Variants in TBC1D1 observed in about 807,000 individuals in gnomAD.
TBC1D1 encodes TBC1 domain family member 1.
A neutral mutation model predicts 125.6 loss-of-function variants in TBC1D1; 89 were observed. The ratio of observed to expected loss-of-function variants is 0.71; its 90% CI spans 0.60 to 0.85. The LOEUF (loss-of-function observed/expected upper bound fraction) is 0.85. Ranked by LOEUF, TBC1D1 falls within the 40% of genes least tolerant of loss-of-function variation. TBC1D1 has a pLI of 0.00. For synonymous variants in TBC1D1, 565 were observed against 564.1 expected (o/e 1.00, Z -0.02); for missense variants, 1,377 against 1,469.2 (o/e 0.94, Z 1.03).
chr4:37,976,189 C>T (rs932721304), intron 2 of TBC1D1, among the ~76,000 whole-genome samples: 58 of 152,330 alleles, frequency 3.8e-4, no homozygotes, highest in African/African-American at 1.3e-3. Flanking sequence ...CAGCAAGAAA[C>T]AGAGGCCCTG....
chr4:37,921,046 G>A (rs543152468), intron 2 of TBC1D1, among the ~76,000 whole-genome samples: 72 of 146,590 alleles, frequency 4.9e-4, no homozygotes, highest in African/African-American at 1.7e-3. Context: ...GGAGGCGAAG[G>A]TTGCAGCGAG....
chr4:38,040,277 TTTTCTTTC>T (rs1216546638), intron 8 of TBC1D1, among the ~76,000 whole-genome samples: 1 of 151,994 alleles, frequency 6.6e-6, no homozygotes. Context: ...TTAGCTAATA[TTTTCTTTC>T]TTTCTTTCTT....
rs185076118 is a variant in TBC1D1, at chr4:37,995,551, C to T, written c.418-18958C>T. 2.8e-5 allele frequency: 11 copies of T among 394,622 alleles called. No individual in the cohort carries two copies. Among genetic ancestry groups the T allele is most frequent in the Middle Eastern group, 9.2e-4 (1 of 1,088 alleles). The allele number at this position is 394,622 out of a possible 1,614,324, so 24.4% of individuals were successfully genotyped here. A position where few individuals can be genotyped will look rare whatever the true frequency, so the allele number is the denominator to read the frequency against. On this transcript the variant is annotated intron_variant, in intron 2 of 19. Transcript: ENST00000261439. This position sits in a 1 kb window ranked among gnomAD's most constrained non-coding sequence, Gnocchi z 4.3. ...GGTTGCGGTTTTCTCCAGGTTGGTGCTGATGATATGATAAAGCTCAGCACA... is the reference window on the plus strand; with the variant it reads ...GGTTGCGGTTTTCTCCAGGTTGGTGTTGATGATATGATAAAGCTCAGCACA...
At chr4:37,913,653 GTA>G (rs138103853) in intron 2 of TBC1D1, among the ~76,000 whole-genome samples, 7 of 146,804 alleles carry the variant, frequency 4.8e-5, no homozygotes, top group Admixed American at 1.4e-4. Flanking sequence ...GTGTGTGTGT[GTA>G]TATATATATA....
Position 38,090,110 on chromosome 4 carries a change from G to C in TBC1D1, c.2229G>C (p.Lys743Asn). Residue 743 changes from lysine to asparagine, a missense_variant, in exon 13 of 20, where the codon AAG becomes AAC. Coordinates refer to ENST00000261439, the MANE Select transcript of TBC1D1 (RefSeq NM_015173.4). ...TTAGAATGGAGAAGGAAAATCAGAA[G>C]CTCCAAGGTTGGTTTGCCATCTTGA... 6.2e-7 allele frequency: 1 copy of C among 1,613,986 alleles called. No individual in the cohort carries two copies. Among genetic ancestry groups the C allele is most frequent in the Non-Finnish European group, 8.5e-7 (1 of 1,179,940 alleles).
At chr4:38,021,547 G>T in intron 5 of TBC1D1, 39 bp from the exon 6 acceptor site, 1 of 1,458,748 alleles carries the variant, frequency 6.9e-7, no homozygotes, top group South Asian at 1.4e-5. Flanking sequence ...ATTTCAAATT[G>T]ACTTTTTGGT....
At chr4:38,067,870 A>G (rs1754010448) in intron 12 of TBC1D1, among the ~76,000 whole-genome samples, 1 of 152,160 alleles carries the variant, frequency 6.6e-6, no homozygotes, top group African/African-American at 2.4e-5. Flanking sequence ...CCCATGGCCC[A>G]GGTTTCTCTG....
intron 18 of TBC1D1, among the ~76,000 whole-genome samples, chr4:38,128,184 G>A (rs572016001): frequency 6.6e-5 from 10 of 152,264 alleles, no homozygotes; most frequent in African/African-American, 2.2e-4. Flanking sequence ...GGTATCGGGA[G>A]CACAAAAATT....
At chr4:38,088,764 G>A (rs61044341) in intron 12 of TBC1D1, among the ~76,000 whole-genome samples, 5,427 of 152,084 alleles carry the variant, frequency 0.036, 173 homozygotes, top group African/African-American at 0.079. Context: ...TTGACAGATC[G>A]GGAAGTGGAA....
chr4:38,098,098 G>A (rs552657052), intron 14 of TBC1D1, among the ~76,000 whole-genome samples: 6 of 152,340 alleles, frequency 3.9e-5, no homozygotes, highest in South Asian at 4.1e-4. Flanking sequence ...CCAGCTTTCA[G>A]TGTGACTTTA....
chr4:38,043,566 A>C (rs55911523), intron 8 of TBC1D1, among the ~76,000 whole-genome samples: 12,267 of 149,690 alleles, frequency 0.082, 1,117 homozygotes, highest in African/African-American at 0.23. Flanking sequence ...CTGGGCAACA[A>C]AGTGAGACCC....
chr4:38,021,482 C>G, intron 5 of TBC1D1, 104 bp from the exon 6 acceptor site: 1 of 1,088,556 alleles, frequency 9.2e-7, no homozygotes, highest in Non-Finnish European at 1.3e-6. Flanking sequence ...GTACAGAAAA[C>G]TCTTAAAGCT....
At chr4:38,006,474 A>ATTTTTTTT (rs71190940) in intron 2 of TBC1D1, among the ~76,000 whole-genome samples, 2 of 101,376 alleles carry the variant, frequency 2.0e-5, no homozygotes, top group African/African-American at 3.9e-5. Context: ...GACCAACACT[A>ATTTTTTTT]TTTTTTTTTT....
chr4:38,122,642 G>T (rs528294435), intron 17 of TBC1D1, among the ~76,000 whole-genome samples: 1 of 152,072 alleles, frequency 6.6e-6, no homozygotes, highest in African/African-American at 2.4e-5. Flanking sequence ...TCTCTGCAGC[G>T]TGTTCTTTGT....
At chr4:38,098,450 T>A (rs1293385206) in intron 14 of TBC1D1, among the ~76,000 whole-genome samples, 1 of 152,204 alleles carries the variant, frequency 6.6e-6, no homozygotes, top group Non-Finnish European at 1.5e-5. Flanking sequence ...TCACTGGGCA[T>A]ATTTTGTGGG....
Position 37,945,564 on chromosome 4 carries a change from AAGCC to A in TBC1D1, c.417+43056_417+43059del, listed in dbSNP as rs377729064. Among the ~76,000 whole-genome samples the A allele has an allele frequency of 4.0e-3, 591 of 147,202 alleles. 8 individuals carry two copies. The highest frequency in any genetic ancestry group is 0.014 in the African/African-American group (548 of 40,054). On this transcript the variant is annotated intron_variant, in intron 2 of 19. Coordinates refer to ENST00000261439, the MANE Select transcript of TBC1D1 (RefSeq NM_015173.4). ...AAAAAAAAAAAAAGCCTAGAAGCAA[AAGCC>A]AGCACTTCAGTCCAACCTGCTTTGC...
intron 11 of TBC1D1, 107 bp from the exon 12 acceptor site, chr4:38,051,792 G>A: frequency 9.1e-7 from 1 of 1,104,158 alleles, no homozygotes; most frequent in Non-Finnish European, 1.3e-6. Flanking sequence ...AGTGTTACTG[G>A]AACAACGAGA....
At chr4:37,968,675 C>T (rs147774650) in intron 2 of TBC1D1, among the ~76,000 whole-genome samples, 2 of 152,190 alleles carry the variant, frequency 1.3e-5, no homozygotes, top group South Asian at 2.1e-4. Context: ...GCTCTGAAGA[C>T]GGTCTTCAAA....
Position 38,118,068 on chromosome 4 carries a change from T to C in TBC1D1, c.2838T>C (p.Asp946=). ...ACCAGCTCTCGAGGTTGCTTCATGA[T>C]TACCACAGAGACCTCTACAATCACC... The change falls in exon 17 of 20, where the codon GAT becomes GAC. Residue 946 remains aspartate (D), a synonymous_variant. Transcript: ENST00000261439. 1.9e-6 allele frequency: 3 copies of C among 1,614,174 alleles called. No homozygotes were observed. The highest frequency in any genetic ancestry group is 2.5e-6 in the Non-Finnish European group (3 of 1,180,004).
Sources: allele counts gnomAD v4.1 joint callset (sites outside exome capture counted in the v4.1 genomes callset), GRCh38; gene constraint gnomAD v4.1.1; non-coding constraint Gnocchi (gnomAD v3.1); transcripts MANE v1.5; gene names NCBI Gene and HGNC (gene_info 2026-07-23, HGNC 2026-07-21).